TRPM3: variants seen among roughly 807,000 people sequenced by gnomAD.
TRPM3 encodes long transient receptor potential channel 3.
In TRPM3, 77 loss-of-function variants were observed where a neutral mutation model predicts 181.2. The observed-to-expected ratio is 0.42, with a 90% confidence interval of 0.35 to 0.51. TRPM3 has a LOEUF of 0.51. Ranked by LOEUF, TRPM3 falls within the 20% of genes least tolerant of loss-of-function variation. The pLI is 0.01. For synonymous variants in TRPM3, 745 were observed against 796.4 expected, an observed-to-expected ratio of 0.94 and a Z score of 1.09; for missense variants, 1,759 against 2,196.7, an observed-to-expected ratio of 0.80 and a Z score of 3.98.
Position 70,533,929 on chromosome 9 carries a change from T to C in TRPM3, c.*2024A>G, listed in dbSNP as rs1474780906. 2.0e-5 allele frequency: 3 copies of C among 152,240 alleles called. No homozygotes were observed. The highest frequency in any genetic ancestry group is 4.4e-5 in the Non-Finnish European group (3 of 68,042). 9.4% of individuals were successfully genotyped at this position (152,240 alleles called of 1,614,324 possible). On this transcript the variant is annotated 3_prime_UTR_variant, in exon 26 of 26. Transcript: ENST00000677713. ...TTTTTTATCTTATATTTAAAGGCCATGTATTTACTTGATTTCACAAAATAA... is the reference window on the plus strand; with the variant it reads ...TTTTTTATCTTATATTTAAAGGCCACGTATTTACTTGATTTCACAAAATAA...
chr9:70,586,785 C>T (rs541304842), intron 22 of TRPM3, among the ~76,000 whole-genome samples: 19 of 152,302 alleles, frequency 1.2e-4, no homozygotes, highest in Non-Finnish European at 1.9e-4. Context: ...TAGTCATCTT[C>T]GTTCATGCTG....
intron 1 of TRPM3, among the ~76,000 whole-genome samples, chr9:71,398,009 G>T (rs2093241540): frequency 6.6e-6 from 1 of 152,146 alleles, no homozygotes; most frequent in Non-Finnish European, 1.5e-5. Context: ...ATCCAGTTTA[G>T]ACCGTGCCAT....
rs1350581622 is a variant in TRPM3, at chr9:70,841,662, C to A, written c.801+1341G>T. ...TATATATATATATATATATATATAT[C>A]CCACCATATATATGTATATATAGAT... On this transcript the variant is annotated intron_variant, in intron 5 of 25. Coordinates refer to ENST00000677713, the MANE Select transcript of TRPM3 (RefSeq NM_001366145.2). Among the ~76,000 whole-genome samples, 29 of 62,998 alleles carry A rather than the reference C, an allele frequency of 4.6e-4. 1 individual carries two copies. The highest frequency in any genetic ancestry group is 2.0e-3 in the African/African-American group (27 of 13,376). 41.3% of individuals were successfully genotyped at this position (62,998 alleles called of 152,430 possible).
intron 1 of TRPM3, among the ~76,000 whole-genome samples, chr9:71,036,803 T>C (rs2058258205): frequency 6.6e-6 from 1 of 152,212 alleles, no homozygotes; most frequent in Admixed American, 6.5e-5. Flanking sequence ...CTTTGCACCT[T>C]TGGGATGTCA....
Position 71,121,246 on chromosome 9 carries a change from G to A in TRPM3, c.109C>T (p.Arg37Ter). The A allele has an allele frequency of 1.9e-6, 3 of 1,614,128 alleles. No homozygotes were observed. Among genetic ancestry groups the A allele is most frequent in the Non-Finnish European group, 2.5e-6 (3 of 1,180,010 alleles). Residue 37 changes from arginine to a stop codon, truncating the protein, a stop_gained, in exon 1 of 26, where the codon CGA (arginine) becomes TGA (stop). Coordinates refer to ENST00000677713, the MANE Select transcript of TRPM3 (RefSeq NM_001366145.2). LOFTEE classifies it high-confidence loss of function. Reference sequence around the variant, plus strand: ...TTCCGGATGGTCCAGTTTAGGGGTCGAGGAGCATCAGCCTGATTCATGACC... The same window carrying A: ...TTCCGGATGGTCCAGTTTAGGGGTCAAGGAGCATCAGCCTGATTCATGACC... ...EGVMNQADAP[R>*]PLNWTIRKLC...
At chr9:71,271,076 G>T (rs1289497626) in intron 1 of TRPM3, among the ~76,000 whole-genome samples, 2 of 152,110 alleles carry the variant, frequency 1.3e-5, no homozygotes, top group Admixed American at 6.5e-5. Context: ...AAAACCACGA[G>T]ATAGAATAAA....
intron 22 of TRPM3, among the ~76,000 whole-genome samples, chr9:70,573,035 C>T (rs939115767): frequency 1.3e-5 from 2 of 152,084 alleles, no homozygotes; most frequent in Non-Finnish European, 2.9e-5. Context: ...ATAGAAGAAT[C>T]AATATAATGT....
chr9:70,968,987 G>T (rs2133897916), intron 1 of TRPM3, among the ~76,000 whole-genome samples: 1 of 152,174 alleles, frequency 6.6e-6, no homozygotes, highest in South Asian at 2.1e-4. Flanking sequence ...AAGAGCAATG[G>T]CAACAAAAGC....
chr9:71,317,670 T>A (rs972002545), intron 1 of TRPM3, among the ~76,000 whole-genome samples: 4 of 83,488 alleles, frequency 4.8e-5, no homozygotes, highest in African/African-American at 6.3e-5. Flanking sequence ...AGAAAAAATA[T>A]ATATATATAC....
intron 1 of TRPM3, among the ~76,000 whole-genome samples, chr9:71,214,821 C>T (rs890895902): frequency 2.6e-5 from 4 of 151,892 alleles, no homozygotes; most frequent in African/African-American, 7.3e-5. Flanking sequence ...TGCCTGTAAC[C>T]CCCTTCCCCA....
chr9:71,445,272 T>C (rs2094188430), intron 1 of TRPM3, among the ~76,000 whole-genome samples: 1 of 152,238 alleles, frequency 6.6e-6, no homozygotes. Flanking sequence ...GGATTGAATT[T>C]TTAGTTCACA....
At chr9:71,096,779 T>A (rs556418439) in intron 1 of TRPM3, among the ~76,000 whole-genome samples, 2 of 151,906 alleles carry the variant, frequency 1.3e-5, no homozygotes, top group South Asian at 4.2e-4. Flanking sequence ...CACTTAACAG[T>A]GGTGGTCAAG....
chr9:70,871,422 TTTGTC>T (rs917764731), intron 1 of TRPM3, among the ~76,000 whole-genome samples: 102 of 152,096 alleles, frequency 6.7e-4, no homozygotes, highest in African/African-American at 2.4e-3. Flanking sequence ...CTTACTTGTT[TTTGTC>T]TTGTTTTCCC....
intron 1 of TRPM3, among the ~76,000 whole-genome samples, chr9:71,019,337 A>T (rs535662213): frequency 2.8e-4 from 43 of 152,172 alleles, no homozygotes; most frequent in Non-Finnish European, 5.3e-4. Context: ...TATAGAAAAG[A>T]ATTGTAGCAG....
chr9:71,201,984 T>C (rs1412028097), intron 1 of TRPM3, among the ~76,000 whole-genome samples: 1 of 152,202 alleles, frequency 6.6e-6, no homozygotes, highest in Non-Finnish European at 1.5e-5. Context: ...TCTTTGATGA[T>C]GGTGATGTAC....
intron 1 of TRPM3, among the ~76,000 whole-genome samples, chr9:71,232,695 T>G (rs1440480433): frequency 1.3e-5 from 2 of 151,900 alleles, no homozygotes; most frequent in Admixed American, 6.6e-5. Flanking sequence ...GAAATGGGGT[T>G]TCACCATGTT....
chr9:71,017,469 A>T (rs1302361381), intron 1 of TRPM3, among the ~76,000 whole-genome samples: 2 of 151,936 alleles, frequency 1.3e-5, no homozygotes, highest in African/African-American at 4.8e-5. Context: ...TATGCTGATT[A>T]CAAGAAATGC....
At chr9:71,322,997 T>C (rs941301565) in intron 1 of TRPM3, among the ~76,000 whole-genome samples, 2 of 152,184 alleles carry the variant, frequency 1.3e-5, no homozygotes, top group South Asian at 2.1e-4. Flanking sequence ...TCTCCATCTT[T>C]TTTGCCCTTT....
chr9:70,761,864 T>C (rs1587995678), intron 7 of TRPM3, 140 bp from the exon 8 acceptor site: 4 of 993,326 alleles, frequency 4.0e-6, no homozygotes, highest in Middle Eastern at 3.2e-4. Context: ...ACAAAAGGTA[T>C]CCCGCCTGTG....
Sources: allele counts gnomAD v4.1 joint callset (sites outside exome capture counted in the v4.1 genomes callset), GRCh38; gene constraint gnomAD v4.1.1; transcripts MANE v1.5; gene names NCBI Gene and HGNC (gene_info 2026-07-23, HGNC 2026-07-21).